The following PPM1F variants were observed in gnomAD, a reference collection of about 807,000 sequenced individuals.
The protein encoded by PPM1F is protein phosphatase 1F.
In PPM1F, 17 loss-of-function variants were observed where a neutral mutation model predicts 35.5. The ratio of observed to expected loss-of-function variants is 0.48; its 90% CI spans 0.33 to 0.72. PPM1F has a LOEUF of 0.72. Ranked by LOEUF, PPM1F falls within the 30% of genes least tolerant of loss-of-function variation. The pLI is 0.02. For synonymous variants in PPM1F, 241 were observed against 255.5 expected, an observed-to-expected ratio of 0.94 and a Z score of 0.54; for missense variants, 521 against 613.0, an observed-to-expected ratio of 0.85 and a Z score of 1.59.
In PPM1F at chr22:21,920,039, T is replaced by G. The variant is rs2070429550; in HGVS notation, c.*3053A>C. ...CACCCCTGCAGGCCTGGGCTCAGAGTCAGCCACACCTGTAAGGCAGGCCCT... is the reference window on the plus strand; with the variant it reads ...CACCCCTGCAGGCCTGGGCTCAGAGGCAGCCACACCTGTAAGGCAGGCCCT... On this transcript the variant is annotated 3_prime_UTR_variant, in exon 8 of 8. Transcript: ENST00000263212. 3 of 152,290 alleles carry G rather than the reference T, an allele frequency of 2.0e-5. No individual in the cohort carries two copies. Among genetic ancestry groups the G allele is most frequent in the Admixed American group, 2.0e-4 (3 of 15,272 alleles). The allele number at this position is 152,290 out of a possible 1,614,324, so 9.4% of individuals were successfully genotyped here.
chr22:21,931,328 G>C, intron 5 of PPM1F, 37 bp from the exon 6 acceptor site: 3 of 1,582,668 alleles, frequency 1.9e-6, no homozygotes, highest in African/African-American at 1.3e-5. Context: ...TTGAGAGGAG[G>C]TAGGGAAGGG....
Position 21,919,981 on chromosome 22 carries a change from G to C in PPM1F, c.*3111C>G, listed in dbSNP as rs1427235599. ...TTTCCTATCCTGGGTTCTGAGGCTG[G>C]GACTGCCTCTGGGATTCTGAGGGAC... On this transcript the variant is annotated 3_prime_UTR_variant, in exon 8 of 8. Transcript: ENST00000263212. 6.6e-6 allele frequency: 1 copy of C among 152,244 alleles called. No homozygotes were observed. The highest frequency in any genetic ancestry group is 1.5e-5 in the Non-Finnish European group (1 of 68,050). The allele number at this position is 152,244 out of a possible 1,614,324, so 9.4% of individuals were successfully genotyped here. A position where few individuals can be genotyped will look rare whatever the true frequency, so the allele number is the denominator to read the frequency against.
intron 2 of PPM1F, chr22:21,943,193 C>T (rs1271912714): frequency 3.3e-5 from 5 of 152,140 alleles, no homozygotes; most frequent in Non-Finnish European, 7.3e-5. Flanking sequence ...AAGAGCCCCT[C>T]CTCAGGCTGG....
intron 5 of PPM1F, among the ~76,000 whole-genome samples, 175 bp downstream of exon 5, chr22:21,933,216 T>G (rs530595440): frequency 6.6e-6 from 1 of 152,210 alleles, no homozygotes; most frequent in African/African-American, 2.4e-5. Context: ...GCAGGCTTTG[T>G]GCTGCTTCCG....
chr22:21,952,588 T>G (rs948216049), intron 1 of PPM1F: 24 of 138,984 alleles, frequency 1.7e-4, no homozygotes, highest in African/African-American at 6.4e-4. Context: ...CGGCCCCTCT[T>G]GCTCCTCGGC....
At position 21,934,118 on chromosome 22, in the gene PPM1F, C is replaced by T; in HGVS notation, c.464G>A (p.Trp155Ter). 1 of 1,567,680 alleles carries T rather than the reference C, an allele frequency of 6.4e-7. No individual in the cohort carries two copies. The highest frequency in any genetic ancestry group is 8.6e-7 in the Non-Finnish European group (1 of 1,156,400). The part of the protein sequence containing the change: ...PLAARASQRQ[W>*]LVSIHAIRNT... ...CCGGATGGCGTGGATGGAGACCAGC[C>T]ACTGCCGCTGTGAGGCCCGGGCAGC... is the stretch of plus-strand genomic sequence containing the variant. The change falls in exon 4 of 8, where the codon TGG (tryptophan) becomes TAG (stop). Residue 155 changes from tryptophan to a stop codon, truncating the protein, a stop_gained. Coordinates refer to ENST00000263212, the MANE Select transcript of PPM1F (RefSeq NM_014634.4). LOFTEE classifies it high-confidence loss of function.
chr22:21,935,636 A>C (rs1407081042), intron 3 of PPM1F: 1 of 152,202 alleles, frequency 6.6e-6, no homozygotes, highest in South Asian at 2.1e-4. Context: ...TGAGAGGCTG[A>C]GGTGGGAGGA....
In PPM1F at chr22:21,923,398, G is replaced by C. The variant is rs1316221957; in HGVS notation, c.1059C>G (p.Asp353Glu). The C allele has an allele frequency of 6.2e-7, 1 of 1,613,860 alleles. No individual in the cohort carries two copies. Among genetic ancestry groups the C allele is most frequent in the East Asian group, 2.2e-5 (1 of 44,876 alleles). Residue 353 changes from aspartate (D) to glutamate (E), a missense_variant, in exon 8 of 8, where the codon GAC (aspartate) becomes GAG (glutamate). Physicochemically the swap from Asp to Glu is conservative, Grantham distance 45. Around this residue, in one of 3 missense-constraint regions of PPM1F, gnomAD observed 163 missense variants for 169.6 expected, o/e 0.96. Coordinates refer to ENST00000263212, the MANE Select transcript of PPM1F (RefSeq NM_014634.4). Reference protein sequence around the residue: ...AASRALTGSEDYLLLACDGFF... With the variant: ...AASRALTGSEEYLLLACDGFF... ...AGCCATCACAGGCAAGCAGCAGGTAGTCCTCGGAGCCCGTCAGCGCCCGGG... is the reference window on the plus strand; with the variant it reads ...AGCCATCACAGGCAAGCAGCAGGTACTCCTCGGAGCCCGTCAGCGCCCGGG...
rs762997310 is a variant in PPM1F at position 21,923,416 on chromosome 22, C to T, written c.1041G>A (p.Ala347=). The change falls in exon 8 of 8, where the codon GCG becomes GCA. Residue 347 remains alanine, a synonymous_variant. Coordinates refer to ENST00000263212, the MANE Select transcript of PPM1F (RefSeq NM_014634.4). ...VSGEADAASR[A]LTGSEDYLLL... is the part of the protein sequence containing the mutation. ...GCAGGTAGTCCTCGGAGCCCGTCAGCGCCCGGGAAGCTGCATCGGCCTCCC... is the reference window on the plus strand; with the variant it reads ...GCAGGTAGTCCTCGGAGCCCGTCAGTGCCCGGGAAGCTGCATCGGCCTCCC... 1.1e-5 allele frequency: 18 copies of T among 1,613,428 alleles called. No homozygotes were observed. The highest frequency in any genetic ancestry group is 2.7e-5 in the African/African-American group (2 of 74,916).
At chr22:21,925,345 G>A (rs1160935460) in intron 7 of PPM1F, 3 of 474,698 alleles carry the variant, frequency 6.3e-6, no homozygotes, top group African/African-American at 5.9e-5. Flanking sequence ...GCTGTTTTAG[G>A]TGAGATAATA....
At chr22:21,933,829 A>G (rs906803201) in intron 4 of PPM1F, among the ~76,000 whole-genome samples, 195 bp downstream of exon 4, 4 of 152,196 alleles carry the variant, frequency 2.6e-5, no homozygotes, top group African/African-American at 9.7e-5. Context: ...GAGTCAGGGG[A>G]ACGTGGCATC....
chr22:21,932,195 C>T (rs898398827), intron 5 of PPM1F, among the ~76,000 whole-genome samples: 2 of 152,002 alleles, frequency 1.3e-5, no homozygotes, highest in Non-Finnish European at 2.9e-5. Flanking sequence ...TGAAGTGATC[C>T]GCCGGCCTCT....
Position 21,923,388 on chromosome 22 carries a change from G to A in PPM1F, c.1069C>T (p.Leu357Phe), listed in dbSNP as rs906498869. Reference protein sequence around the residue: ...ALTGSEDYLLLACDGFFDVVP... With the variant: ...ALTGSEDYLLFACDGFFDVVP... Reference sequence around the variant, plus strand: ...ACGTCAAAGAAGCCATCACAGGCAAGCAGCAGGTAGTCCTCGGAGCCCGTC... The same window carrying A: ...ACGTCAAAGAAGCCATCACAGGCAAACAGCAGGTAGTCCTCGGAGCCCGTC... The change falls in exon 8 of 8, where the codon CTT (leucine) becomes TTT (phenylalanine). Residue 357 changes from leucine to phenylalanine, a missense_variant. By Grantham distance (22) the Leu-to-Phe change is conservative. Transcript: ENST00000263212. The A allele has an allele frequency of 1.2e-6, 2 of 1,613,752 alleles. No homozygotes were observed. Among genetic ancestry groups the A allele is most frequent in the African/African-American group, 2.7e-5 (2 of 74,928 alleles).
At chr22:21,944,599 C>T (rs1321429884) in intron 2 of PPM1F, 1 of 152,176 alleles carries the variant, frequency 6.6e-6, no homozygotes, top group Non-Finnish European at 1.5e-5. Context: ...CAGCAAGGGA[C>T]TAGGTTCACA....
At chr22:21,946,194 T>C (rs955063857) in intron 1 of PPM1F, 86 bp from the exon 2 acceptor site, 1 of 615,526 alleles carries the variant, frequency 1.6e-6, no homozygotes, top group South Asian at 2.4e-5. Flanking sequence ...ATGTGGCAGG[T>C]GCATGGCCTC....
chr22:21,926,813 G>A (rs1308924231), intron 6 of PPM1F, among the ~76,000 whole-genome samples: 5 of 152,192 alleles, frequency 3.3e-5, no homozygotes, highest in Admixed American at 6.5e-5. Context: ...TGATGCCCCA[G>A]GTGATGGTGT....
intron 2 of PPM1F, chr22:21,945,100 A>G (rs2070763962): frequency 6.6e-6 from 1 of 152,288 alleles, no homozygotes; most frequent in Admixed American, 6.5e-5. Context: ...GCTGCTATGC[A>G]ATAAATTGTG....
intron 6 of PPM1F, among the ~76,000 whole-genome samples, chr22:21,928,530 G>A (rs1232182699): frequency 5.9e-5 from 9 of 152,236 alleles, no homozygotes; most frequent in African/African-American, 2.2e-4. Flanking sequence ...TGAAGGAGCA[G>A]CAGGTGGGTG....
At chr22:21,925,308 CCACAGGTTT>C (rs2070499110) in intron 7 of PPM1F, 1 of 433,260 alleles carries the variant, frequency 2.3e-6, no homozygotes. Context: ...GGGTGGTGAG[CCACAGGTTT>C]CTATGAGATT....
Sources: gnomAD v4.1 joint callset for allele counts (sites outside exome capture counted in the v4.1 genomes callset) on GRCh38, gnomAD v4.1.1 for gene constraint, gnomAD v4.1.1 regional missense constraint, MANE v1.5 for transcripts, NCBI Gene and HGNC (gene_info 2026-07-23, HGNC 2026-07-21) for gene names.